The following PHACTR2 variants were observed in gnomAD, a reference collection of about 807,000 sequenced individuals.
The protein encoded by PHACTR2 is phosphatase and actin regulator 2, also known as chromosome 6 open reading frame 56.
In PHACTR2, 30 loss-of-function variants were observed where a neutral mutation model predicts 76.0. The observed-to-expected ratio is 0.39, with a 90% CI of 0.30 to 0.54. The LOEUF (loss-of-function observed/expected upper bound fraction) is 0.54. PHACTR2 is among the 20% of genes least tolerant of loss of function. The pLI is 0.61. For synonymous variants in PHACTR2, 292 were observed against 292.5 expected (o/e 1.00, Z 0.02); for missense variants, 696 against 781.1 (o/e 0.89, Z 1.30).
At chr6:143,563,663 A>G (rs1775316787) in intron 1 of PHACTR2, among the ~76,000 whole-genome samples, 1 of 151,886 alleles carries the variant, frequency 6.6e-6, no homozygotes, top group Non-Finnish European at 1.5e-5. Flanking sequence ...ATTTTTCTGC[A>G]AAATCATCAG....
intron 1 of PHACTR2, among the ~76,000 whole-genome samples, chr6:143,576,014 C>T (rs1048042830): frequency 6.6e-6 from 1 of 152,222 alleles, no homozygotes; most frequent in Non-Finnish European, 1.5e-5. Context: ...TCAGACAAAG[C>T]CAATGTCCTT....
intron 1 of PHACTR2, among the ~76,000 whole-genome samples, chr6:143,538,937 G>A (rs1007996062): frequency 6.6e-6 from 1 of 152,178 alleles, no homozygotes; most frequent in African/African-American, 2.4e-5. Context: ...TGCTCTTGGT[G>A]TGCTGGCCAA....
chr6:143,642,868 G>A (rs1241807885), intron 1 of PHACTR2, among the ~76,000 whole-genome samples: 1 of 152,134 alleles, frequency 6.6e-6, no homozygotes, highest in African/African-American at 2.4e-5. Flanking sequence ...TCTAGTCTAT[G>A]GCACTGTGAG....
rs1439044865 is a variant in PHACTR2, at chr6:143,549,520, G to A, written c.217+12313G>A. Among the ~76,000 whole-genome samples, 1 of 151,988 alleles carries A rather than the reference G, an allele frequency of 6.6e-6. No individual in the cohort carries two copies. The highest frequency in any genetic ancestry group is 1.5e-5 in the Non-Finnish European group (1 of 67,942). Reference sequence around the variant, plus strand: ...TCTCAGAAGGCCGGCCACAGGCAATGGCAAGATGAGAATGTTTGCCCAAGC... The same window carrying A: ...TCTCAGAAGGCCGGCCACAGGCAATAGCAAGATGAGAATGTTTGCCCAAGC... On this transcript the variant is annotated intron_variant, in intron 1 of 11. Coordinates refer to the PHACTR2 transcript ENST00000367584. This position sits in a 1 kb window ranked among gnomAD's most constrained non-coding sequence, Gnocchi z 4.2.
At chr6:143,694,534 A>G (rs894570033) in intron 1 of PHACTR2, among the ~76,000 whole-genome samples, 4 of 152,180 alleles carry the variant, frequency 2.6e-5, no homozygotes, top group African/African-American at 4.8e-5. Flanking sequence ...AAATGTCACT[A>G]CATATATAGT....
At chr6:143,657,770 G>A (rs1388497393) in intron 1 of PHACTR2, among the ~76,000 whole-genome samples, 1 of 152,158 alleles carries the variant, frequency 6.6e-6, no homozygotes, top group Non-Finnish European at 1.5e-5. Flanking sequence ...TGGGGTGTGG[G>A]GACCTTGATG....
chr6:143,707,136 T>C (rs1778072415), intron 1 of PHACTR2, among the ~76,000 whole-genome samples: 1 of 152,046 alleles, frequency 6.6e-6, no homozygotes, highest in Non-Finnish European at 1.5e-5. Flanking sequence ...AATAAAAATA[T>C]ACACAGATAA....
At chr6:143,545,918 C>T (rs886654193) in intron 1 of PHACTR2, among the ~76,000 whole-genome samples, 1 of 152,184 alleles carries the variant, frequency 6.6e-6, no homozygotes, top group Non-Finnish European at 1.5e-5. Context: ...ATTTGACTTA[C>T]TCGTGATGGA....
chr6:143,817,885 A>T (rs1029274430), intron 12 of PHACTR2, among the ~76,000 whole-genome samples: 2 of 152,236 alleles, frequency 1.3e-5, no homozygotes, highest in African/African-American at 4.8e-5. Context: ...CAGTTGGTTA[A>T]CAGATACAGC....
chr6:143,812,447 A>T (rs920400742), intron 12 of PHACTR2, among the ~76,000 whole-genome samples: 2 of 152,256 alleles, frequency 1.3e-5, no homozygotes, highest in African/African-American at 4.8e-5. Flanking sequence ...TGACACTTCC[A>T]CGTCTTGTGC....
rs1239017009 is a variant in PHACTR2 at position 143,618,066 on chromosome 6, A to G, written c.13+9744A>G. ...TCAAATTCTGTATAATAGAAGAGGT[A>G]CATTATTAGACCCCCAAATAGCACT... On this transcript the variant is annotated intron_variant, in intron 1 of 11. Coordinates refer to the PHACTR2 transcript ENST00000305766. The surrounding 1 kb of genome is among the most constrained non-coding windows in gnomAD (Gnocchi z 5.2). 6.6e-6 allele frequency among the ~76,000 whole-genome samples: 1 copy of G among 152,212 alleles called. No individual in the cohort carries two copies. The highest frequency in any genetic ancestry group is 1.5e-5 in the Non-Finnish European group (1 of 68,036).
intron 1 of PHACTR2, among the ~76,000 whole-genome samples, chr6:143,657,758 GGT>G (rs1055584153): frequency 1.3e-5 from 2 of 152,194 alleles, no homozygotes; most frequent in African/African-American, 4.8e-5. Flanking sequence ...GTTATCTCAA[GGT>G]GGGGTGTGGG....
In PHACTR2 at chr6:143,772,803, GAAGA is replaced by G. The variant is rs953322350; in HGVS notation, c.1432+354_1432+357del. On this transcript the variant is annotated intron_variant, in intron 7 of 12. Coordinates refer to ENST00000440869, the MANE Select transcript of PHACTR2 (RefSeq NM_001100164.2). The surrounding 1 kb of genome is among the most constrained non-coding windows in gnomAD (Gnocchi z 5.4). ...GCCCTTCCACTCTGGGCCTGTTGTT[GAAGA>G]AAGAAAGTCAGTGCAGATTCATAGG... Among the ~76,000 whole-genome samples the G allele has an allele frequency of 6.6e-6, 1 of 152,192 alleles. No homozygotes were observed. Among genetic ancestry groups the G allele is most frequent in the African/African-American group, 2.4e-5 (1 of 41,440 alleles).
chr6:143,755,366 G>A lies in PHACTR2; in HGVS notation c.454+1454G>A, dbSNP rs1023113532. The stretch of plus-strand genomic sequence containing the variant: ...GGCAGCCTTCTCACATCCAAGAATC[G>A]CATCCTGCATTACGTAACAGTGCCA... On this transcript the variant is annotated intron_variant, in intron 4 of 12. Transcript: ENST00000440869. The surrounding 1 kb of genome is among the most constrained non-coding windows in gnomAD (Gnocchi z 5.2). 11 of 455,866 alleles carry A rather than the reference G, an allele frequency of 2.4e-5. No individual in the cohort carries two copies. The highest frequency in any genetic ancestry group is 1.4e-4 in the African/African-American group (7 of 50,034). 28.2% of individuals were successfully genotyped at this position (455,866 alleles called of 1,614,324 possible). A position where few individuals can be genotyped will look rare whatever the true frequency, so the allele number is the denominator to read the frequency against.
intron 6 of PHACTR2, among the ~76,000 whole-genome samples, chr6:143,771,194 G>GTATA (rs769993035): frequency 0.042 from 1,634 of 39,264 alleles, 38 homozygotes; most frequent in Non-Finnish European, 0.056. Flanking sequence ...ATATATGTGT[G>GTATA]TATATATATA....
rs1776622277 is a variant in PHACTR2, at chr6:143,829,763, T to C, written c.*6074T>C. On this transcript the variant is annotated 3_prime_UTR_variant, in exon 13 of 13. Transcript: ENST00000440869. ...CTATAATTTTTTAAAACATTAAAGT[T>C]TCTAAATTGTTTTTGGGGCCGAGTA... 6.6e-6 allele frequency: 1 copy of C among 152,252 alleles called. No individual in the cohort carries two copies. Among genetic ancestry groups the C allele is most frequent in the African/African-American group, 2.4e-5 (1 of 41,470 alleles). The allele number at this position is 152,252 out of a possible 1,614,324, so 9.4% of individuals were successfully genotyped here. A position where few individuals can be genotyped will look rare whatever the true frequency, so the allele number is the denominator to read the frequency against.
chr6:143,772,359 G>A lies in PHACTR2; in HGVS notation c.1334G>A (p.Gly445Asp). The change falls in exon 7 of 13, where the codon GGC becomes GAC. Residue 445 changes from glycine (G) to aspartate (D), a missense_variant. Physicochemically the swap from Gly to Asp is moderately conservative, Grantham distance 94. Around this residue, in one of 2 missense-constraint regions of PHACTR2, gnomAD observed 236 missense variants for 330.2 expected, o/e 0.71. Coordinates refer to ENST00000440869, the MANE Select transcript of PHACTR2 (RefSeq NM_001100164.2). The surrounding 1 kb of genome is among the most constrained non-coding windows in gnomAD (Gnocchi z 5.4). ...TCCTTTAGTGCCTCAGAAGATGAAG[G>A]CCACAGGGAATACCAAGCCAATGAC... is the stretch of plus-strand genomic sequence containing the variant. ...SESFSASEDE[G>D]HREYQANDSD... The A allele has an allele frequency of 6.2e-7, 1 of 1,613,998 alleles. No homozygotes were observed. The highest frequency in any genetic ancestry group is 8.5e-7 in the Non-Finnish European group (1 of 1,179,898).
chr6:143,636,510 G>A (rs1776458002), intron 1 of PHACTR2, among the ~76,000 whole-genome samples: 1 of 152,078 alleles, frequency 6.6e-6, no homozygotes, highest in Non-Finnish European at 1.5e-5. Context: ...ATCACTTAAG[G>A]TTGTCTGCAG....
chr6:143,579,036 T>G (rs1031069498), intron 1 of PHACTR2, among the ~76,000 whole-genome samples: 9 of 152,218 alleles, frequency 5.9e-5, no homozygotes, highest in African/African-American at 1.4e-4. Context: ...CTTGAGTAGC[T>G]GGGACTACAG....
Sources: gnomAD v4.1 joint callset for allele counts (sites outside exome capture counted in the v4.1 genomes callset) on GRCh38, gnomAD v4.1.1 for gene constraint, gnomAD v4.1.1 regional missense constraint, Gnocchi (gnomAD v3.1) non-coding constraint, MANE v1.5 for transcripts, NCBI Gene and HGNC (gene_info 2026-07-23, HGNC 2026-07-21) for gene names.